Variants in DLGAP1 observed in about 807,000 individuals in gnomAD.
DLGAP1 encodes disks large-associated protein 1.
Under a neutral mutation model 90.8 loss-of-function variants are expected in DLGAP1, and 11 were observed. The observed-to-expected ratio is 0.12, with a 90% CI of 0.08 to 0.20. DLGAP1 has a LOEUF of 0.20. Ranked by LOEUF, DLGAP1 falls within the 10% of genes least tolerant of loss-of-function variation. The pLI is 1.00. For synonymous variants in DLGAP1, 558 were observed against 540.7 expected, an observed-to-expected ratio of 1.03 and a Z score of -0.44; for missense variants, 1,050 against 1,333.8, an observed-to-expected ratio of 0.79 and a Z score of 3.31.
At chr18:4,263,227 G>A (rs1479980210) in intron 1 of DLGAP1, among the ~76,000 whole-genome samples, 3 of 152,198 alleles carry the variant, frequency 2.0e-5, no homozygotes, top group Non-Finnish European at 4.4e-5. Context: ...GCACCGTACC[G>A]GGCCTGCCTT....
intron 5 of DLGAP1, among the ~76,000 whole-genome samples, chr18:3,805,550 C>T (rs1473164922): frequency 3.3e-5 from 5 of 152,186 alleles, no homozygotes; most frequent in African/African-American, 1.2e-4. Context: ...AAAAAATGGT[C>T]ATTCCACTGA....
chr18:3,657,096 A>G (rs1244954049), intron 7 of DLGAP1, among the ~76,000 whole-genome samples: 1 of 152,228 alleles, frequency 6.6e-6, no homozygotes, highest in African/African-American at 2.4e-5. Flanking sequence ...ATTAGACCTG[A>G]TAACAATCAT....
At chr18:4,212,884 T>C (rs2098428670) in intron 1 of DLGAP1, among the ~76,000 whole-genome samples, 1 of 152,162 alleles carries the variant, frequency 6.6e-6, no homozygotes, top group Non-Finnish European at 1.5e-5. Flanking sequence ...TAAATTGGTA[T>C]TATTATATGA....
chr18:4,135,049 G>T (rs1165255725), intron 2 of DLGAP1, among the ~76,000 whole-genome samples: 2 of 152,060 alleles, frequency 1.3e-5, no homozygotes, highest in Admixed American at 6.6e-5. Context: ...TACCAGCAGA[G>T]TACGTAGTGT....
intron 4 of DLGAP1, among the ~76,000 whole-genome samples, chr18:3,815,030 C>G (rs1406835148): frequency 6.6e-6 from 1 of 152,208 alleles, no homozygotes; most frequent in Non-Finnish European, 1.5e-5. Flanking sequence ...GGCTTTGAAT[C>G]ATTTGTACAT....
intron 2 of DLGAP1, among the ~76,000 whole-genome samples, chr18:4,081,184 A>G (rs1341566562): frequency 6.6e-6 from 1 of 151,968 alleles, no homozygotes; most frequent in Non-Finnish European, 1.5e-5. Flanking sequence ...CACTGTGCCC[A>G]GCTGAATGCC....
At chr18:3,651,350 T>C (rs1328117238) in intron 7 of DLGAP1, among the ~76,000 whole-genome samples, 4 of 152,166 alleles carry the variant, frequency 2.6e-5, no homozygotes, top group African/African-American at 9.7e-5. Context: ...AGAGCAAGAC[T>C]CTGCCTAAAA....
chr18:3,635,781 A>C (rs1470982592), intron 7 of DLGAP1, among the ~76,000 whole-genome samples: 3 of 151,592 alleles, frequency 2.0e-5, no homozygotes, highest in Non-Finnish European at 4.4e-5. Context: ...AACTATGTTT[A>C]AATAGTCAGC....
At chr18:4,102,167 TC>T (rs550580026) in intron 2 of DLGAP1, among the ~76,000 whole-genome samples, 1 of 152,328 alleles carries the variant, frequency 6.6e-6, no homozygotes, top group East Asian at 1.9e-4. Flanking sequence ...AACTTTTCTT[TC>T]TTTCCCCAAC....
At chr18:3,602,613 A>C (rs1000646572) in intron 7 of DLGAP1, among the ~76,000 whole-genome samples, 15 of 151,588 alleles carry the variant, frequency 9.9e-5, no homozygotes, top group African/African-American at 3.4e-4. Context: ...AAAAAAAAAA[A>C]AAACAAAGAA....
intron 2 of DLGAP1, among the ~76,000 whole-genome samples, chr18:4,051,910 C>T (rs2143092645): frequency 6.6e-6 from 1 of 152,296 alleles, no homozygotes; most frequent in African/African-American, 2.4e-5. Context: ...CCATGCGAGT[C>T]TGAAATCCAA....
intron 1 of DLGAP1, among the ~76,000 whole-genome samples, chr18:4,435,413 G>C (rs962441692): frequency 1.3e-5 from 2 of 152,032 alleles, no homozygotes; most frequent in Non-Finnish European, 2.9e-5. Context: ...GTAATGGAAA[G>C]GTATTATGGA....
intron 5 of DLGAP1, among the ~76,000 whole-genome samples, chr18:3,811,430 G>GA (rs1394213450): frequency 6.6e-6 from 1 of 151,876 alleles, no homozygotes; most frequent in Admixed American, 6.6e-5. Flanking sequence ...ATAAACATAG[G>GA]AAAAAAAAGT....
intron 3 of DLGAP1, among the ~76,000 whole-genome samples, chr18:3,908,422 G>A (rs537878743): frequency 1.7e-4 from 26 of 150,920 alleles, no homozygotes; most frequent in Admixed American, 7.2e-4. Flanking sequence ...TAAATTTGGC[G>A]AGCTGTGATT....
At chr18:4,338,973 C>T (rs893937637) in intron 1 of DLGAP1, among the ~76,000 whole-genome samples, 4 of 152,154 alleles carry the variant, frequency 2.6e-5, no homozygotes, top group African/African-American at 9.7e-5. Flanking sequence ...ATTTATATAG[C>T]TCTGAGACTG....
chr18:3,849,072 A>G (rs2069188590), intron 4 of DLGAP1, among the ~76,000 whole-genome samples: 1 of 152,118 alleles, frequency 6.6e-6, no homozygotes, highest in Admixed American at 6.5e-5. Context: ...CTGCCTTTGC[A>G]AACGCTCTTC....
chr18:4,299,085 C>CAAAAAAAAA (rs35327176), intron 1 of DLGAP1, among the ~76,000 whole-genome samples: 13 of 76,296 alleles, frequency 1.7e-4, no homozygotes, highest in African/African-American at 3.6e-4. Flanking sequence ...TGTCTCAAGA[C>CAAAAAAAAA]AAAAAAAAAA....
intron 8 of DLGAP1, among the ~76,000 whole-genome samples, chr18:3,575,435 G>A (rs1426738260): frequency 6.6e-6 from 1 of 152,114 alleles, no homozygotes; most frequent in East Asian, 1.9e-4. Context: ...AAATCATAAT[G>A]TACCATCAGG....
At chr18:3,612,863 G>A (rs1411852781) in intron 7 of DLGAP1, among the ~76,000 whole-genome samples, 2 of 150,898 alleles carry the variant, frequency 1.3e-5, no homozygotes, top group African/African-American at 2.4e-5. Context: ...TTTTTGAGAC[G>A]GAGTTTTTGC....
Sources: allele counts gnomAD v4.1 joint callset (sites outside exome capture counted in the v4.1 genomes callset), GRCh38; gene constraint gnomAD v4.1.1; transcripts MANE v1.5; gene names NCBI Gene and HGNC (gene_info 2026-07-23, HGNC 2026-07-21).